The following LRBA variants were observed in gnomAD, a reference collection of about 807,000 sequenced individuals.
LRBA encodes lipopolysaccharide-responsive and beige-like anchor protein.
Under a neutral mutation model 330.0 loss-of-function variants are expected in LRBA, and 176 were observed. That is an observed-to-expected ratio of 0.53 (90% CI 0.47 to 0.60). The LOEUF is 0.60. Ranked by LOEUF, LRBA falls within the 20% of genes least tolerant of loss-of-function variation. The pLI is 0.00. For synonymous variants in LRBA, 1,230 were observed against 1,193.0 expected, an observed-to-expected ratio of 1.03 and a Z score of -0.64; for missense variants, 3,259 against 3,444.8, an observed-to-expected ratio of 0.95 and a Z score of 1.35.
At chr4:150,938,747 A>G (rs941344824) in intron 2 of LRBA, among the ~76,000 whole-genome samples, 1 of 152,144 alleles carries the variant, frequency 6.6e-6, no homozygotes, top group South Asian at 2.1e-4. Flanking sequence ...AAATCGATCT[A>G]TGGATCCTGG....
At chr4:150,572,452 T>A (rs528962522) in intron 40 of LRBA, among the ~76,000 whole-genome samples, 1 of 152,204 alleles carries the variant, frequency 6.6e-6, no homozygotes, top group East Asian at 1.9e-4. Context: ...AGCAAAACTG[T>A]ACCATAATAA....
chr4:150,295,194 CTTTTTTTTTTTTT>C (rs146893381), intron 53 of LRBA, among the ~76,000 whole-genome samples: 2 of 113,832 alleles, frequency 1.8e-5, no homozygotes, highest in Non-Finnish European at 3.5e-5. Flanking sequence ...ATTAAAATAG[CTTTTTTTTTTTTT>C]TTTTTTTTTT....
chr4:150,330,284 T>C (rs193075800), intron 48 of LRBA, among the ~76,000 whole-genome samples: 129 of 152,334 alleles, frequency 8.5e-4, no homozygotes, highest in Non-Finnish European at 1.2e-4. Context: ...TTCTAAGTTC[T>C]ACTCCTCTCT....
rs557776489 is a variant in LRBA, at chr4:150,316,706, G to A, written c.7631-1083C>T. Among the ~76,000 whole-genome samples the A allele has an allele frequency of 3.9e-5, 6 of 152,206 alleles. No individual in the cohort carries two copies. The South Asian group carries it at 1.2e-3, about 32-fold the overall frequency. ...TAGGGGAGGTCCCCAAACACCAGTGGGACCTCAACCCTGGCTCTTGACACT... is the reference window on the plus strand; with the variant it reads ...TAGGGGAGGTCCCCAAACACCAGTGAGACCTCAACCCTGGCTCTTGACACT... On this transcript the variant is annotated intron_variant, in intron 50 of 56. Coordinates refer to ENST00000651943, the MANE Select transcript of LRBA (RefSeq NM_001364905.1).
At chr4:150,715,178 G>A (rs111350692) in intron 36 of LRBA, among the ~76,000 whole-genome samples, 2 of 152,122 alleles carry the variant, frequency 1.3e-5, no homozygotes, top group African/African-American at 2.4e-5. Flanking sequence ...ATCAGACCTC[G>A]TATTGAAAGA....
intron 37 of LRBA, among the ~76,000 whole-genome samples, chr4:150,639,819 GTATATATATATATATATATA>G (rs56731034): frequency 4.4e-4 from 2 of 4,532 alleles, no homozygotes; most frequent in East Asian, 0.021. Flanking sequence ...GTGTGTGTGT[GTATATATATATATATATATA>G]TATATATATA....
At chr4:150,275,432 G>GCAAT (rs1004443586) in intron 56 of LRBA, among the ~76,000 whole-genome samples, 1 of 152,120 alleles carries the variant, frequency 6.6e-6, no homozygotes, top group Non-Finnish European at 1.5e-5. Context: ...TCTGGCCAGG[G>GCAAT]CAATCAGGCA....
At chr4:150,514,746 C>T (rs1429006917) in intron 40 of LRBA, among the ~76,000 whole-genome samples, 1 of 152,206 alleles carries the variant, frequency 6.6e-6, no homozygotes, top group Non-Finnish European at 1.5e-5. Context: ...GATCTTTCTA[C>T]CTGCTTGCAT....
intron 46 of LRBA, among the ~76,000 whole-genome samples, chr4:150,428,172 G>A (rs1489162485): frequency 6.6e-6 from 1 of 151,792 alleles, no homozygotes; most frequent in Non-Finnish European, 1.5e-5. Context: ...ATAATATTTA[G>A]TATCTCTTAG....
At chr4:150,816,666 AT>A (rs769390375) in intron 31 of LRBA, among the ~76,000 whole-genome samples, 7 of 152,060 alleles carry the variant, frequency 4.6e-5, no homozygotes, top group African/African-American at 7.2e-5. Flanking sequence ...ATTCAAAAAA[AT>A]ATGCCAAAAA....
At chr4:150,977,772 A>G (rs1166729263) in intron 2 of LRBA, among the ~76,000 whole-genome samples, 2 of 152,198 alleles carry the variant, frequency 1.3e-5, no homozygotes. Flanking sequence ...AGTATTCCCC[A>G]TGGGTCTGTG....
chr4:150,419,580 T>C (rs1748308288), intron 46 of LRBA, among the ~76,000 whole-genome samples: 2 of 151,998 alleles, frequency 1.3e-5, no homozygotes, highest in African/African-American at 4.8e-5. Context: ...GGTTATAATT[T>C]TATACCTATG....
chr4:150,993,854 T>C (rs1205536143), intron 2 of LRBA, among the ~76,000 whole-genome samples: 1 of 151,910 alleles, frequency 6.6e-6, no homozygotes, highest in Non-Finnish European at 1.5e-5. Context: ...CAATTCAAGA[T>C]GAGATTTGGG....
At chr4:150,823,101 T>C (rs530893645) in intron 30 of LRBA, among the ~76,000 whole-genome samples, 84 of 152,214 alleles carry the variant, frequency 5.5e-4, no homozygotes, top group Non-Finnish European at 1.0e-3. Flanking sequence ...TGCTTATCTT[T>C]TGGATATAAG....
At chr4:150,632,646 T>C (rs1240554089) in intron 37 of LRBA, among the ~76,000 whole-genome samples, 1 of 152,034 alleles carries the variant, frequency 6.6e-6, no homozygotes, top group Non-Finnish European at 1.5e-5. Context: ...TCTCCTCCTA[T>C]CTCTCTCTCA....
chr4:150,694,636 C>A (rs1455059742), intron 36 of LRBA, among the ~76,000 whole-genome samples: 1 of 152,002 alleles, frequency 6.6e-6, no homozygotes, highest in East Asian at 1.9e-4. Flanking sequence ...GTATTGATTT[C>A]TCTCAGCATG....
intron 40 of LRBA, among the ~76,000 whole-genome samples, chr4:150,532,562 A>T (rs1328092377): frequency 1.3e-5 from 2 of 152,076 alleles, no homozygotes; most frequent in Non-Finnish European, 2.9e-5. Context: ...AAAAAAAAAT[A>T]CCAGTGATAA....
chr4:150,938,978 C>G (rs956157547), intron 2 of LRBA, among the ~76,000 whole-genome samples: 2 of 152,166 alleles, frequency 1.3e-5, no homozygotes, highest in Non-Finnish European at 2.9e-5. Context: ...ATTCCCCATT[C>G]TTATACCATA....
chr4:150,672,594 C>T (rs1582000987), intron 37 of LRBA, among the ~76,000 whole-genome samples: 1 of 151,244 alleles, frequency 6.6e-6, no homozygotes, highest in African/African-American at 2.4e-5. Flanking sequence ...ATAAATACTC[C>T]GTATTAAAAA....
Sources: allele counts gnomAD v4.1 joint callset (sites outside exome capture counted in the v4.1 genomes callset), GRCh38; gene constraint gnomAD v4.1.1; transcripts MANE v1.5; gene names NCBI Gene and HGNC (gene_info 2026-07-23, HGNC 2026-07-21).